VRK2: variants seen among roughly 807,000 people sequenced by gnomAD.
The protein encoded by VRK2 is VRK serine/threonine kinase 2, also known as serine/threonine-protein kinase VRK2.
VRK2 carries 60 observed loss-of-function variants against 57.6 expected under a neutral mutation model. That is an observed-to-expected ratio of 1.04 (90% CI 0.85 to 1.29). The LOEUF (loss-of-function observed/expected upper bound fraction) is 1.29, where lower values mean the gene tolerates loss of function less well. VRK2 is among the 50% of genes most tolerant of loss of function. The pLI, the probability that VRK2 is intolerant of heterozygous loss-of-function variation, is 0.00. For synonymous variants in VRK2, 231 were observed against 199.2 expected, an observed-to-expected ratio of 1.16 and a Z score of -1.35; for missense variants, 705 against 588.1, an observed-to-expected ratio of 1.20 and a Z score of -2.06.
intron 7 of VRK2, among the ~76,000 whole-genome samples, chr2:58,114,827 G>A (rs1676174058): frequency 1.3e-5 from 2 of 152,166 alleles, no homozygotes; most frequent in Admixed American, 6.5e-5. Context: ...GACTGTGGTG[G>A]CCTTCTCAGA....
intron 7 of VRK2, among the ~76,000 whole-genome samples, chr2:58,119,967 T>C (rs905478697): frequency 2.6e-5 from 4 of 151,684 alleles, no homozygotes; most frequent in Admixed American, 6.6e-5. Context: ...TACCTGTAAC[T>C]TCCTATGAAG....
chr2:57,939,314 T>C (rs1671017579), intron 1 of VRK2, among the ~76,000 whole-genome samples: 1 of 152,216 alleles, frequency 6.6e-6, no homozygotes, highest in Non-Finnish European at 1.5e-5. Flanking sequence ...AATTTTTATA[T>C]GCAAACATGT....
At chr2:57,970,494 A>T (rs1382680340) in intron 1 of VRK2, among the ~76,000 whole-genome samples, 1 of 151,494 alleles carries the variant, frequency 6.6e-6, no homozygotes, top group African/African-American at 2.4e-5. Context: ...TTCTTAGCAC[A>T]TAGAGAAAAT....
chr2:58,070,303 A>G (rs1362670911), intron 2 of VRK2, among the ~76,000 whole-genome samples: 5 of 151,844 alleles, frequency 3.3e-5, no homozygotes, highest in African/African-American at 1.2e-4. Flanking sequence ...TCCCACATCA[A>G]CCTCTCAAGT....
At chr2:58,148,072 C>T (rs756697469) in intron 12 of VRK2, among the ~76,000 whole-genome samples, 5 of 151,662 alleles carry the variant, frequency 3.3e-5, no homozygotes, top group African/African-American at 4.8e-5. Flanking sequence ...ATTGCTGGGT[C>T]GTAGGGCAGG....
intron 3 of VRK2, among the ~76,000 whole-genome samples, chr2:58,036,428 G>A (rs575619108): frequency 4.6e-5 from 7 of 151,852 alleles, no homozygotes; most frequent in Non-Finnish European, 8.8e-5. Flanking sequence ...TCATTTCATA[G>A]AAATAACACA....
intron 1 of VRK2, among the ~76,000 whole-genome samples, chr2:57,957,776 A>C (rs1419656961): frequency 6.6e-6 from 1 of 151,950 alleles, no homozygotes; most frequent in Non-Finnish European, 1.5e-5. Flanking sequence ...TGTGTATGCC[A>C]AGACTCTCCA....
In VRK2 at chr2:58,063,246, T is replaced by G. The variant is rs528158967; in HGVS notation, c.136+14279T>G. Among the ~76,000 whole-genome samples, 352 of 151,830 alleles carry G rather than the reference T, an allele frequency of 2.3e-3. 1 individual carries two copies. The highest frequency in any genetic ancestry group is 6.8e-3 in the Middle Eastern group (2 of 294). On this transcript the variant is annotated intron_variant, in intron 2 of 12. Coordinates refer to ENST00000340157, the MANE Select transcript of VRK2 (RefSeq NM_006296.7). ...AAGGCATATGTCACAGTTTTGTTTT[T>G]TTTTTTTTTTTAACATATGAGTGAG...
intron 2 of VRK2, among the ~76,000 whole-genome samples, chr2:58,062,232 G>A (rs754059012): frequency 6.6e-6 from 1 of 151,914 alleles, no homozygotes; most frequent in Admixed American, 6.6e-5. Context: ...CATACAAGAC[G>A]GTGAATTTAA....
At chr2:58,010,662 G>C (rs952753783) in intron 1 of VRK2, among the ~76,000 whole-genome samples, 1 of 152,106 alleles carries the variant, frequency 6.6e-6, no homozygotes, top group Non-Finnish European at 1.5e-5. Context: ...AGGCATGCTT[G>C]TGATTGTTTC....
At position 58,124,289 on chromosome 2, in the gene VRK2, C is replaced by T. The variant is rs1037642705; in HGVS notation, c.676+1056C>T. On this transcript the variant is annotated intron_variant, in intron 8 of 12. Coordinates refer to ENST00000340157, the MANE Select transcript of VRK2 (RefSeq NM_006296.7). ...GGTCAATATTGAAAATATATGGTGCCGAGTCCCACTGATGGTTGCTTTGTT... is the reference window on the plus strand; with the variant it reads ...GGTCAATATTGAAAATATATGGTGCTGAGTCCCACTGATGGTTGCTTTGTT... Among the ~76,000 whole-genome samples, 88 of 152,210 alleles carry T rather than the reference C, an allele frequency of 5.8e-4. 1 individual carries two copies. Among genetic ancestry groups the T allele is most frequent in the African/African-American group, 1.9e-3 (80 of 41,544 alleles).
In VRK2 at chr2:58,018,726, G is replaced by C. The variant is rs1369252334; in HGVS notation, c.-438-6939G>C. On this transcript the variant is annotated intron_variant, in intron 1 of 15. Coordinates refer to the VRK2 transcript ENST00000417641. Reference sequence around the variant, plus strand: ...TATAGTAGCGATACAGTATGGCTAAGAACAAAACTCTGATTTTTTTTCTTG... The same window carrying C: ...TATAGTAGCGATACAGTATGGCTAACAACAAAACTCTGATTTTTTTTCTTG... 4.6e-5 allele frequency among the ~76,000 whole-genome samples: 7 copies of C among 152,196 alleles called. No homozygotes were observed. The East Asian group carries it at 1.3e-3, about 29-fold the overall frequency.
chr2:57,917,197 G>A (rs1290041893), intron 1 of VRK2, among the ~76,000 whole-genome samples: 2 of 152,116 alleles, frequency 1.3e-5, no homozygotes, highest in Non-Finnish European at 2.9e-5. Context: ...GAGATAATTT[G>A]TTGAAATACA....
intron 1 of VRK2, among the ~76,000 whole-genome samples, chr2:58,013,003 G>C (rs933866462): frequency 1.3e-5 from 2 of 152,076 alleles, no homozygotes; most frequent in Admixed American, 6.5e-5. Flanking sequence ...GGAAGAAGGA[G>C]GCTTGTAAAG....
At chr2:57,941,374 T>C (rs1163894626) in intron 1 of VRK2, among the ~76,000 whole-genome samples, 1 of 152,168 alleles carries the variant, frequency 6.6e-6, no homozygotes, top group Non-Finnish European at 1.5e-5. Context: ...ACTGGACACA[T>C]ACTGTGTTTT....
At chr2:58,131,678 G>A (rs1469256630) in intron 8 of VRK2, 130 bp from the exon 9 acceptor site, 1 of 1,157,500 alleles carries the variant, frequency 8.6e-7, no homozygotes, top group Non-Finnish European at 1.2e-6. Context: ...TTTTATTCCA[G>A]CTGAACAAAT....
intron 10 of VRK2, 77 bp from the exon 11 acceptor site, chr2:58,139,589 A>G: frequency 1.5e-6 from 2 of 1,300,552 alleles, no homozygotes; most frequent in Non-Finnish European, 1.1e-6. Flanking sequence ...CAAAGATAAC[A>G]AAGATTTTGA....
intron 1 of VRK2, among the ~76,000 whole-genome samples, chr2:57,933,106 C>T (rs928293126): frequency 6.6e-6 from 1 of 151,886 alleles, no homozygotes; most frequent in Non-Finnish European, 1.5e-5. Context: ...ACCTATTCTG[C>T]AGAATGATCT....
At chr2:58,047,903 A>G (rs1487016175) in intron 1 of VRK2, among the ~76,000 whole-genome samples, 1 of 152,224 alleles carries the variant, frequency 6.6e-6, no homozygotes, top group Non-Finnish European at 1.5e-5. Flanking sequence ...TATTAAGAAA[A>G]CTTTACATTT....
Sources: allele counts gnomAD v4.1 joint callset (sites outside exome capture counted in the v4.1 genomes callset), GRCh38; gene constraint gnomAD v4.1.1; transcripts MANE v1.5; gene names NCBI Gene and HGNC (gene_info 2026-07-23, HGNC 2026-07-21).